Variants in B3GALT1 observed in about 807,000 individuals in gnomAD.
The protein encoded by B3GALT1 is beta-1,3-galactosyltransferase 1.
Under a neutral mutation model 23.2 loss-of-function variants are expected in B3GALT1, and 10 were observed. The observed-to-expected ratio is 0.43, with a 90% CI of 0.27 to 0.73. The LOEUF (loss-of-function observed/expected upper bound fraction) is 0.73. Among genes scored for constraint, B3GALT1 ranks in the 30% least tolerant of loss-of-function variants. B3GALT1 has a pLI of 0.21. For missense variants in B3GALT1, 299 were observed against 405.4 expected, an observed-to-expected ratio of 0.74 and a Z score of 2.25; for synonymous variants, 156 against 141.5, an observed-to-expected ratio of 1.10 and a Z score of -0.73.
chr2:167,294,045 G>A (rs567629619), intron 1 of B3GALT1, among the ~76,000 whole-genome samples: 1 of 152,338 alleles, frequency 6.6e-6, no homozygotes, highest in South Asian at 2.1e-4. Flanking sequence ...CTTGAGGATG[G>A]AGAGTCCCAC....
chr2:167,381,139 C>T (rs1697841982), intron 1 of B3GALT1, among the ~76,000 whole-genome samples: 1 of 152,130 alleles, frequency 6.6e-6, no homozygotes, highest in African/African-American at 2.4e-5. Flanking sequence ...ACAATCATGG[C>T]TCACTGCAGC....
At chr2:167,803,267 A>G (rs1688676365) in intron 3 of B3GALT1, among the ~76,000 whole-genome samples, 1 of 152,242 alleles carries the variant, frequency 6.6e-6, no homozygotes, top group African/African-American at 2.4e-5. Context: ...TTTAATTTTT[A>G]GATACTTATG....
intron 1 of B3GALT1, among the ~76,000 whole-genome samples, chr2:167,407,495 G>A (rs1698303244): frequency 1.3e-5 from 2 of 151,590 alleles, no homozygotes; most frequent in African/African-American, 2.4e-5. Context: ...AAAAATCAGA[G>A]CAGAAATAAA....
intron 3 of B3GALT1, among the ~76,000 whole-genome samples, chr2:167,686,586 A>G (rs907487897): frequency 1.3e-5 from 2 of 152,124 alleles, no homozygotes; most frequent in African/African-American, 4.8e-5. Context: ...TTTGTTTTCA[A>G]TTGAAAAGAA....
At chr2:167,489,850 A>T (rs1242586354) in intron 1 of B3GALT1, among the ~76,000 whole-genome samples, 1 of 152,204 alleles carries the variant, frequency 6.6e-6, no homozygotes, top group Non-Finnish European at 1.5e-5. Context: ...GTGAGACCGC[A>T]GAATAAAATT....
intron 2 of B3GALT1, among the ~76,000 whole-genome samples, chr2:167,552,008 G>A (rs959405286): frequency 5.3e-5 from 8 of 152,116 alleles, no homozygotes; most frequent in African/African-American, 1.9e-4. Flanking sequence ...GGGTTTTAAC[G>A]ACTTATTGTA....
intron 3 of B3GALT1, chr2:167,714,190 T>C: frequency 6.6e-7 from 1 of 1,514,870 alleles, no homozygotes. Context: ...TAGAATAAAA[T>C]CTGTCTTCCC....
chr2:167,652,723 A>G (rs1685888751), intron 3 of B3GALT1, among the ~76,000 whole-genome samples: 2 of 152,094 alleles, frequency 1.3e-5, no homozygotes, highest in African/African-American at 2.4e-5. Context: ...TGCACCCTCT[A>G]TAATAGGTGC....
chr2:167,464,720 G>A (rs1699318707), intron 1 of B3GALT1, among the ~76,000 whole-genome samples: 2 of 152,150 alleles, frequency 1.3e-5, no homozygotes, highest in Admixed American at 1.3e-4. Context: ...GATATGAATG[G>A]ACATATTGAC....
At chr2:167,455,991 A>G (rs1184817969) in intron 1 of B3GALT1, among the ~76,000 whole-genome samples, 1 of 152,228 alleles carries the variant, frequency 6.6e-6, no homozygotes, top group Non-Finnish European at 1.5e-5. Context: ...TGACCTTCAT[A>G]TAAATGAGCA....
chr2:167,440,714 A>C (rs1375875690), intron 1 of B3GALT1, among the ~76,000 whole-genome samples: 1 of 151,456 alleles, frequency 6.6e-6, no homozygotes, highest in South Asian at 2.1e-4. Flanking sequence ...TGGTTCTGTT[A>C]TCTCTTTCTA....
chr2:167,651,484 G>C (rs1685866157), intron 3 of B3GALT1, among the ~76,000 whole-genome samples: 1 of 152,074 alleles, frequency 6.6e-6, no homozygotes, highest in Non-Finnish European at 1.5e-5. Context: ...AACGTGTGCA[G>C]TCAACATAGT....
chr2:167,382,247 T>C (rs765719300), intron 1 of B3GALT1, among the ~76,000 whole-genome samples: 1 of 152,216 alleles, frequency 6.6e-6, no homozygotes, highest in African/African-American at 2.4e-5. Flanking sequence ...ATCATAGTTT[T>C]GGCGTGAAAA....
chr2:167,674,884 A>T (rs1431291350), intron 3 of B3GALT1, among the ~76,000 whole-genome samples: 3 of 152,210 alleles, frequency 2.0e-5, no homozygotes, highest in Non-Finnish European at 2.9e-5. Flanking sequence ...AATTATTTTT[A>T]AAATATTTTT....
At chr2:167,382,368 A>G (rs1028917967) in intron 1 of B3GALT1, among the ~76,000 whole-genome samples, 1 of 148,860 alleles carries the variant, frequency 6.7e-6, no homozygotes, top group Non-Finnish European at 1.5e-5. Context: ...CTACTTTTTC[A>G]TTAGTTTTTT....
intron 1 of B3GALT1, among the ~76,000 whole-genome samples, chr2:167,463,795 T>C (rs983320384): frequency 6.6e-6 from 1 of 152,154 alleles, no homozygotes; most frequent in African/African-American, 2.4e-5. Flanking sequence ...CTGAGTAATA[T>C]AGACATTTGA....
chr2:167,536,841 T>G (rs1683437513), intron 2 of B3GALT1, among the ~76,000 whole-genome samples: 4 of 152,230 alleles, frequency 2.6e-5, no homozygotes, highest in Middle Eastern at 3.4e-3. Context: ...ACTAAGGAAC[T>G]AGAAACTGAC....
At chr2:167,328,854 C>T (rs907137710) in intron 1 of B3GALT1, among the ~76,000 whole-genome samples, 5 of 151,912 alleles carry the variant, frequency 3.3e-5, no homozygotes, top group African/African-American at 9.7e-5. Flanking sequence ...CACTTGTCAC[C>T]CAGGCTGAAG....
chr2:167,723,164 A>T (rs1361341121), intron 3 of B3GALT1, among the ~76,000 whole-genome samples: 2 of 152,196 alleles, frequency 1.3e-5, no homozygotes, highest in Admixed American at 1.3e-4. Flanking sequence ...AGTTTATAGG[A>T]CAAACAAAAA....
Sources: gnomAD v4.1 joint callset for allele counts (sites outside exome capture counted in the v4.1 genomes callset) on GRCh38, gnomAD v4.1.1 for gene constraint, MANE v1.5 for transcripts, NCBI Gene and HGNC (gene_info 2026-07-23, HGNC 2026-07-21) for gene names.